ZNF444: variants seen among roughly 807,000 people sequenced by gnomAD.
ZNF444 encodes endothelial zinc finger protein 2.
Under a neutral mutation model 14.4 loss-of-function variants are expected in ZNF444, and 8 were observed. The ratio of observed to expected loss-of-function variants is 0.56; its 90% CI spans 0.33 to 1.00. The LOEUF (loss-of-function observed/expected upper bound fraction) is 1.00. Ranked by LOEUF, ZNF444 falls within the 50% of genes least tolerant of loss-of-function variation. The pLI, the probability that ZNF444 is intolerant of heterozygous loss-of-function variation, is 0.03. For missense variants in ZNF444, 510 were observed against 504.8 expected, an observed-to-expected ratio of 1.01 and a Z score of -0.10; for synonymous variants, 258 against 235.9, an observed-to-expected ratio of 1.09 and a Z score of -0.86.
Position 56,145,856 on chromosome 19 carries a change from T to C in ZNF444, c.-196-391T>C, listed in dbSNP as rs1470248082. On this transcript the variant is annotated intron_variant, in intron 1 of 4. Coordinates refer to ENST00000337080, the MANE Select transcript of ZNF444 (RefSeq NM_018337.4). This position sits in a 1 kb window ranked among gnomAD's most constrained non-coding sequence, Gnocchi z 4.3. The stretch of plus-strand genomic sequence containing the variant: ...AGCTCAGAATGCCATCATGGTCAGT[T>C]CCTGGTGAGGGCCTCTGCCAGGCTG... Among the ~76,000 whole-genome samples the C allele has an allele frequency of 1.3e-5, 2 of 152,198 alleles. No homozygotes were observed. The highest frequency in any genetic ancestry group is 2.9e-5 in the Non-Finnish European group (2 of 68,034).
chr19:56,149,296 C>T (rs12974361), intron 3 of ZNF444, among the ~76,000 whole-genome samples: 3 of 119,090 alleles, frequency 2.5e-5, no homozygotes, highest in Non-Finnish European at 3.5e-5. Flanking sequence ...ATCACTCCTC[C>T]GACCTTGACC....
At position 56,159,871 on chromosome 19, in the gene ZNF444, C is replaced by T. The variant is rs763283148; in HGVS notation, c.654C>T (p.Arg218=). ...CTGAGTGCGGGAAGGCCTTTCGGCG[C>T]AAGGAGCACCTGCGGCGCCACCGCG... ...ACPECGKAFR[R]KEHLRRHRDT... The change falls in exon 5 of 5, where the codon CGC becomes CGT. Residue 218 remains arginine, a synonymous_variant. Transcript: ENST00000337080. 19 of 1,535,318 alleles carry T rather than the reference C, an allele frequency of 1.2e-5. No individual in the cohort carries two copies. The South Asian group carries it at 2.1e-4, about 17-fold the overall frequency.
In ZNF444 at chr19:56,144,145, C is replaced by CA. The variant is rs1568550249; in HGVS notation, c.-196-2096dup. On this transcript the variant is annotated intron_variant, in intron 1 of 4. Transcript: ENST00000337080. This position sits in a 1 kb window ranked among gnomAD's most constrained non-coding sequence, Gnocchi z 4.0. ...GCAATATAGTGAGACCCTGTCTCTA[C>CA]AAAAAATATAAAAATTAGCTGGGTG... 6.6e-6 allele frequency among the ~76,000 whole-genome samples: 1 copy of CA among 151,924 alleles called. No individual in the cohort carries two copies. Among genetic ancestry groups the CA allele is most frequent in the Non-Finnish European group, 1.5e-5 (1 of 67,978 alleles).
rs909644939 is a variant in ZNF444 at position 56,147,834 on chromosome 19, G to A, written c.297+626G>A. 4.6e-5 allele frequency among the ~76,000 whole-genome samples: 7 copies of A among 152,290 alleles called. No individual in the cohort carries two copies. The highest frequency in any genetic ancestry group is 1.3e-4 in the Admixed American group (2 of 15,306). On this transcript the variant is annotated intron_variant, in intron 3 of 4. Transcript: ENST00000337080. The surrounding 1 kb of genome is among the most constrained non-coding windows in gnomAD (Gnocchi z 5.9). The stretch of plus-strand genomic sequence containing the variant: ...TCCCAGGGGCAGAGGGCAAAGCCAG[G>A]CCTCTCTGGGCAGGTTTGGTTTCTT...
intron 3 of ZNF444, 47 bp from the exon 4 acceptor site, chr19:56,158,447 A>C (rs751264393): frequency 6.6e-7 from 1 of 1,519,910 alleles, no homozygotes; most frequent in Non-Finnish European, 8.9e-7. Flanking sequence ...GGAGAAATAG[A>C]GGCCCTTGCT....
At chr19:56,159,573 C>T in intron 4 of ZNF444, 51 bp from the exon 5 acceptor site, 1 of 1,405,832 alleles carries the variant, frequency 7.1e-7, no homozygotes. Context: ...CTGTGCTGTC[C>T]TTGCCCCGCC....
chr19:56,133,362 C>G (rs1019748262), intron 1 of ZNF444, among the ~76,000 whole-genome samples: 1 of 151,970 alleles, frequency 6.6e-6, no homozygotes, highest in Non-Finnish European at 1.5e-5. Context: ...CATGAGCCAC[C>G]GCACCTGGCT....
chr19:56,148,059 T>C (rs1026431405), intron 3 of ZNF444, among the ~76,000 whole-genome samples: 7 of 152,212 alleles, frequency 4.6e-5, no homozygotes, highest in African/African-American at 9.7e-5. Flanking sequence ...GGATGTGTTA[T>C]GTGAGCTGCA....
intron 1 of ZNF444, chr19:56,141,937 T>A (rs2030851713): frequency 6.6e-6 from 1 of 152,172 alleles, no homozygotes; most frequent in African/African-American, 2.4e-5. Flanking sequence ...TTGCTCTGTT[T>A]TGCTGCTTTC....
chr19:56,153,159 A>G lies in ZNF444; in HGVS notation c.298-5335A>G, dbSNP rs2031688173. Among the ~76,000 whole-genome samples, 5 of 152,150 alleles carry G rather than the reference A, an allele frequency of 3.3e-5. No homozygotes were observed. In the South Asian group the frequency reaches 1.0e-3, roughly 32 times the overall value. On this transcript the variant is annotated intron_variant, in intron 3 of 4. Transcript: ENST00000337080. ...CAGGCTCTTCCATTTGGGGGAGAAC[A>G]GGGGACATTTGGGAATCACAGCCTC...
chr19:56,160,566 C>T lies in ZNF444; in HGVS notation c.*365C>T. 4.1e-6 allele frequency: 1 copy of T among 246,422 alleles called. No homozygotes were observed. Among genetic ancestry groups the T allele is most frequent in the East Asian group, 8.8e-5 (1 of 11,412 alleles). The allele number at this position is 246,422 out of a possible 1,614,324, so 15.3% of individuals were successfully genotyped here. A position where few individuals can be genotyped will look rare whatever the true frequency, so the allele number is the denominator to read the frequency against. On this transcript the variant is annotated 3_prime_UTR_variant, in exon 5 of 5. Transcript: ENST00000337080. ...CCCTGCCCTTTTCCTGCCTGAAGAG[C>T]AGAGGTGAGGACCTGGGACCCCTGA...
chr19:56,147,753 C>T lies in ZNF444; in HGVS notation c.297+545C>T, dbSNP rs373945509. On this transcript the variant is annotated intron_variant, in intron 3 of 4. Transcript: ENST00000337080. This position sits in a 1 kb window ranked among gnomAD's most constrained non-coding sequence, Gnocchi z 5.9. ...TGCTTTTGGGCTGGCCTGAGTCCCC[C>T]GGGGCAGGCAGACCCTCCTTATCAT... 6.6e-6 allele frequency among the ~76,000 whole-genome samples: 1 copy of T among 152,046 alleles called. No individual in the cohort carries two copies. The highest frequency in any genetic ancestry group is 6.5e-5 in the Admixed American group (1 of 15,278).
In ZNF444 at chr19:56,160,248, G is replaced by A; in HGVS notation, c.*47G>A. ...CTCCCGCCCTTGGTGCTGCCCCCGG[G>A]CGGTACCTGCTCTCTCCCAGCGCCA... On this transcript the variant is annotated 3_prime_UTR_variant, in exon 5 of 5. Coordinates refer to ENST00000337080, the MANE Select transcript of ZNF444 (RefSeq NM_018337.4). The A allele has an allele frequency of 7.3e-7, 1 of 1,377,350 alleles. No homozygotes were observed. Among genetic ancestry groups the A allele is most frequent in the East Asian group, 3.0e-5 (1 of 33,198 alleles). 85.3% of individuals were successfully genotyped at this position (1,377,350 alleles called of 1,614,324 possible). A position where few individuals can be genotyped will look rare whatever the true frequency, so the allele number is the denominator to read the frequency against.
intron 3 of ZNF444, chr19:56,156,093 T>C (rs562138505): frequency 4.6e-5 from 7 of 152,338 alleles, no homozygotes; most frequent in African/African-American, 1.4e-4. Flanking sequence ...ACCGATTTAT[T>C]GTAAAGGAGA....
At chr19:56,148,628 G>T (rs2031363798) in intron 3 of ZNF444, among the ~76,000 whole-genome samples, 1 of 152,066 alleles carries the variant, frequency 6.6e-6, no homozygotes, top group Non-Finnish European at 1.5e-5. Context: ...CCCCTCCTCT[G>T]CTCCTGCCTC....
chr19:56,135,194 G>T lies in ZNF444; in HGVS notation c.-197+2416G>T, dbSNP rs565767595. Among the ~76,000 whole-genome samples, 11 of 152,298 alleles carry T rather than the reference G, an allele frequency of 7.2e-5. No homozygotes were observed. In the East Asian group the frequency reaches 1.9e-3, roughly 27 times the overall value. On this transcript the variant is annotated intron_variant, in intron 1 of 2. Coordinates refer to the ZNF444 transcript ENST00000587467. ...TGCTGTGAGCCGAGATCGCGCCACT[G>T]CACTCCAGCCTGGGTGACAGGGCGA...
chr19:56,144,874 C>A lies in ZNF444; in HGVS notation c.-196-1373C>A, dbSNP rs1021447343. Among the ~76,000 whole-genome samples, 15 of 152,244 alleles carry A rather than the reference C, an allele frequency of 9.9e-5. No individual in the cohort carries two copies. The highest frequency in any genetic ancestry group is 3.6e-4 in the African/African-American group (15 of 41,464). On this transcript the variant is annotated intron_variant, in intron 1 of 4. Coordinates refer to ENST00000337080, the MANE Select transcript of ZNF444 (RefSeq NM_018337.4). This position sits in a 1 kb window ranked among gnomAD's most constrained non-coding sequence, Gnocchi z 4.0. ...CTGGGGCGGGCTGGCGCCTGAGCCC[C>A]ATGGGGTCATCAGGGTCCCTTCTGT...
intron 1 of ZNF444, among the ~76,000 whole-genome samples, chr19:56,133,918 T>G (rs2030551955): frequency 6.6e-6 from 1 of 151,990 alleles, no homozygotes. Context: ...ATTAAGCAAT[T>G]CGTTCATTAA....
At chr19:56,149,919 C>G (rs2123503120) in intron 3 of ZNF444, 1 of 156,630 alleles carries the variant, frequency 6.4e-6, no homozygotes, top group Non-Finnish European at 1.4e-5. Flanking sequence ...AGAGTTTCCC[C>G]ATGTCAGTGC....
Sources: gnomAD v4.1 joint callset for allele counts (sites outside exome capture counted in the v4.1 genomes callset) on GRCh38, gnomAD v4.1.1 for gene constraint, Gnocchi (gnomAD v3.1) non-coding constraint, MANE v1.5 for transcripts, NCBI Gene and HGNC (gene_info 2026-07-23, HGNC 2026-07-21) for gene names.